PRKN: variants seen among roughly 807,000 people sequenced by gnomAD.
The protein encoded by PRKN is E3 ubiquitin-protein ligase parkin.
In PRKN, 56 loss-of-function variants were observed where a neutral mutation model predicts 59.5. That is an observed-to-expected ratio of 0.94 (90% confidence interval 0.76 to 1.18). The LOEUF (loss-of-function observed/expected upper bound fraction) is 1.18, where lower values mean the gene tolerates loss of function less well. PRKN is among the 50% of genes most tolerant of loss of function. The pLI, the probability that PRKN is intolerant of heterozygous loss-of-function variation, is 0.00. For missense variants in PRKN, 657 were observed against 596.4 expected (o/e 1.10, Z -1.06); for synonymous variants, 250 against 222.1 (o/e 1.13, Z -1.12).
intron 1 of PRKN, chr6:162,568,411 G>C: frequency 3.6e-6 from 2 of 552,628 alleles, no homozygotes; most frequent in Non-Finnish European, 6.6e-6. Flanking sequence ...AGTCCTATAA[G>C]GTGTCCACCT....
At chr6:161,946,414 A>ACACACTCTCTCTCT (rs1247187053) in intron 6 of PRKN, among the ~76,000 whole-genome samples, 2 of 114,448 alleles carry the variant, frequency 1.7e-5, no homozygotes, top group African/African-American at 7.4e-5. Flanking sequence ...ACACACACAC[A>ACACACTCTCTCTCT]CTCTCTCTCT....
chr6:162,021,138 ATATATATATATATATATATATATAT>A lies in PRKN; in HGVS notation c.618+32928_618+32952del, dbSNP rs1562465397. Among the ~76,000 whole-genome samples, 49 of 62,990 alleles carry A rather than the reference ATATATATATATATATATATATATAT, an allele frequency of 7.8e-4. 7 individuals are homozygous for A. The highest frequency in any genetic ancestry group is 2.5e-3 in the East Asian group (7 of 2,790). 41.3% of individuals were successfully genotyped at this position (62,990 alleles called of 152,430 possible). ...CAAAAACATATATATATATATATAT[ATATATATATATATATATATATATAT>A]ATAAAATATATGTGTATATATATTA... is the stretch of plus-strand genomic sequence containing the variant. On this transcript the variant is annotated intron_variant, in intron 5 of 11. Transcript: ENST00000366898.
In PRKN at chr6:161,353,151, GT is replaced by G. The variant is rs1784627018; in HGVS notation, c.1286-2941del. 6.6e-6 allele frequency among the ~76,000 whole-genome samples: 1 copy of G among 152,138 alleles called. No homozygotes were observed. Among genetic ancestry groups the G allele is most frequent in the Non-Finnish European group, 1.5e-5 (1 of 68,034 alleles). On this transcript the variant is annotated intron_variant, in intron 11 of 11. Transcript: ENST00000366898. This position sits in a 1 kb window ranked among gnomAD's most constrained non-coding sequence, Gnocchi z 4.8. ...TCTTGTTACAGTCTTTTGTCATAAT[GT>G]TGGGGCAATTCAGGCCTCAGAAACA...
intron 9 of PRKN, among the ~76,000 whole-genome samples, chr6:161,482,441 C>T (rs1183374526): frequency 6.6e-6 from 1 of 152,124 alleles, no homozygotes; most frequent in African/African-American, 2.4e-5. Context: ...ACATTGTCAT[C>T]AATATGAATA....
At chr6:162,334,364 G>T (rs1783734183) in intron 2 of PRKN, among the ~76,000 whole-genome samples, 1 of 152,142 alleles carries the variant, frequency 6.6e-6, no homozygotes, top group African/African-American at 2.4e-5. Flanking sequence ...TCTTGTTAGG[G>T]GCAAATGCAG....
Position 161,471,958 on chromosome 6 carries a change from G to T in PRKN, c.1083+76896C>A, listed in dbSNP as rs1790812232. On this transcript the variant is annotated intron_variant, in intron 9 of 11. Transcript: ENST00000366898. This position sits in a 1 kb window ranked among gnomAD's most constrained non-coding sequence, Gnocchi z 4.5. ...TTTAATTTCAATACCAACTTTGGGA[G>T]ACATTAAAAAAAAATACTGAAGCCT... Among the ~76,000 whole-genome samples, 1 of 151,780 alleles carries T rather than the reference G, an allele frequency of 6.6e-6. No homozygotes were observed. The highest frequency in any genetic ancestry group is 2.1e-4 in the South Asian group (1 of 4,824).
At chr6:161,358,384 G>A (rs1320284803) in intron 11 of PRKN, among the ~76,000 whole-genome samples, 2 of 152,084 alleles carry the variant, frequency 1.3e-5, no homozygotes, top group African/African-American at 2.4e-5. Flanking sequence ...AGGCCAAGGC[G>A]GGTAGATCAC....
At chr6:162,422,954 C>CAAAAAAA (rs61557917) in intron 2 of PRKN, among the ~76,000 whole-genome samples, 30 of 65,706 alleles carry the variant, frequency 4.6e-4, no homozygotes, top group East Asian at 1.1e-3. Context: ...TCCAAGAGAC[C>CAAAAAAA]AAAAAAAAAA....
At chr6:161,731,627 C>A (rs148791635) in intron 7 of PRKN, among the ~76,000 whole-genome samples, 17 of 152,042 alleles carry the variant, frequency 1.1e-4, no homozygotes, top group Non-Finnish European at 2.1e-4. Flanking sequence ...ACTGAATGAT[C>A]CCCCACATTT....
At chr6:162,432,444 TGAATCCAAGAGGTG>T (rs1285782085) in intron 2 of PRKN, among the ~76,000 whole-genome samples, 4 of 152,064 alleles carry the variant, frequency 2.6e-5, no homozygotes, top group Non-Finnish European at 5.9e-5. Context: ...GAGAATCGCT[TGAATCCAAGAGGTG>T]GAGACTGCAG....
In PRKN at chr6:162,714,874, TC is replaced by T. The variant is rs1778665051; in HGVS notation, c.7+12787del. On this transcript the variant is annotated intron_variant, in intron 1 of 11. Coordinates refer to ENST00000366898, the MANE Select transcript of PRKN (RefSeq NM_004562.3). ...GTAACCACTTTTAAAAATCTCTACT[TC>T]TTCCAAAATTCAAATAATTTAAGCA... is the stretch of plus-strand genomic sequence containing the variant. Among the ~76,000 whole-genome samples, 5 of 152,148 alleles carry T rather than the reference TC, an allele frequency of 3.3e-5. 1 individual carries two copies. The South Asian group carries it at 1.0e-3, about 32-fold the overall frequency.
chr6:162,238,316 G>A (rs527839148), intron 3 of PRKN, among the ~76,000 whole-genome samples: 8 of 152,268 alleles, frequency 5.3e-5, no homozygotes, highest in South Asian at 2.1e-4. Flanking sequence ...AGGCTACACC[G>A]TACAGCCCAG....
intron 1 of PRKN, among the ~76,000 whole-genome samples, chr6:162,659,942 C>T (rs1299980833): frequency 6.6e-6 from 1 of 152,078 alleles, no homozygotes; most frequent in Non-Finnish European, 1.5e-5. Flanking sequence ...TTTGTCATAT[C>T]ATTATGAAAC....
chr6:162,409,883 G>A (rs1268186587), intron 2 of PRKN, among the ~76,000 whole-genome samples: 1 of 152,214 alleles, frequency 6.6e-6, no homozygotes, highest in African/African-American at 2.4e-5. Flanking sequence ...CATGGGAGCA[G>A]CGGAATCAGT....
At chr6:162,344,609 T>C (rs554627856) in intron 2 of PRKN, among the ~76,000 whole-genome samples, 11 of 123,140 alleles carry the variant, frequency 8.9e-5, no homozygotes, top group Admixed American at 8.1e-4. Flanking sequence ...GAGAGAAAAA[T>C]GGCGTCTTTA....
At chr6:162,037,079 T>G (rs1164013383) in intron 5 of PRKN, among the ~76,000 whole-genome samples, 3 of 152,116 alleles carry the variant, frequency 2.0e-5, no homozygotes, top group Admixed American at 2.0e-4. Flanking sequence ...TGATGGAAAC[T>G]TTCCAGGGTA....
At position 161,462,253 on chromosome 6, in the gene PRKN, T is replaced by C. The variant is rs1221886793; in HGVS notation, c.1084-75376A>G. Among the ~76,000 whole-genome samples, 3 of 152,218 alleles carry C rather than the reference T, an allele frequency of 2.0e-5. No individual in the cohort carries two copies. The highest frequency in any genetic ancestry group is 4.8e-5 in the African/African-American group (2 of 41,460). On this transcript the variant is annotated intron_variant, in intron 9 of 11. Coordinates refer to ENST00000366898, the MANE Select transcript of PRKN (RefSeq NM_004562.3). The surrounding 1 kb of genome is among the most constrained non-coding windows in gnomAD (Gnocchi z 4.5). ...TCAGATCAAAAGTGAGCCTGAATCA[T>C]TTACATCTAACAATGTTATCTAGAC...
intron 1 of PRKN, among the ~76,000 whole-genome samples, chr6:162,557,194 T>C (rs1477127480): frequency 6.6e-6 from 1 of 152,228 alleles, no homozygotes; most frequent in Non-Finnish European, 1.5e-5. Flanking sequence ...GCCTTTCAAA[T>C]TCATAATAAA....
chr6:161,566,752 C>A lies in PRKN; in HGVS notation c.933+2603G>T, dbSNP rs1230166768. ...AACCCTATCTCATGCAATGTGGCTC[C>A]TTCCTCTTTGTTTTGCTCTGTCCTC... On this transcript the variant is annotated intron_variant, in intron 8 of 11. Coordinates refer to ENST00000366898, the MANE Select transcript of PRKN (RefSeq NM_004562.3). The surrounding 1 kb of genome is among the most constrained non-coding windows in gnomAD (Gnocchi z 4.1). 6.6e-6 allele frequency among the ~76,000 whole-genome samples: 1 copy of A among 152,068 alleles called. No individual in the cohort carries two copies. The highest frequency in any genetic ancestry group is 6.6e-5 in the Admixed American group (1 of 15,266).
Sources: allele counts gnomAD v4.1 joint callset (sites outside exome capture counted in the v4.1 genomes callset), GRCh38; gene constraint gnomAD v4.1.1; non-coding constraint Gnocchi (gnomAD v3.1); transcripts MANE v1.5; gene names NCBI Gene and HGNC (gene_info 2026-07-23, HGNC 2026-07-21).